Variants in SLC30A6 observed in about 807,000 individuals in gnomAD.
The protein encoded by SLC30A6 is zinc transporter 6.
A neutral mutation model predicts 63.0 loss-of-function variants in SLC30A6; 55 were observed. That is an observed-to-expected ratio of 0.87 (90% CI 0.70 to 1.09). The LOEUF is 1.09. Among genes scored for constraint, SLC30A6 ranks in the 50% least tolerant of loss-of-function variants. SLC30A6 has a pLI of 0.00. For synonymous variants in SLC30A6, 224 were observed against 186.1 expected (o/e 1.20, Z -1.66); for missense variants, 587 against 549.2 (o/e 1.07, Z -0.69).
At chr2:32,167,548 G>A (rs1680796425) in intron 1 of SLC30A6, among the ~76,000 whole-genome samples, 1 of 152,048 alleles carries the variant, frequency 6.6e-6, no homozygotes, top group African/African-American at 2.4e-5. Flanking sequence ...GTCCTTATCA[G>A]AATAACCCTT....
intron 10 of SLC30A6, chr2:32,201,753 T>C (rs212759): frequency 0.64 from 867,536 of 1,351,474 alleles, 280,563 homozygotes; most frequent in African/African-American, 0.69. Flanking sequence ...ATGGTTTTTA[T>C]GAAGATTTAA....
chr2:32,194,445 A>G (rs1158264091), intron 8 of SLC30A6, among the ~76,000 whole-genome samples: 3 of 152,152 alleles, frequency 2.0e-5, no homozygotes, highest in African/African-American at 7.2e-5. Context: ...GCCAAACTTT[A>G]TTTCTTTGGA....
chr2:32,199,713 A>G (rs1234966492), intron 10 of SLC30A6, among the ~76,000 whole-genome samples: 1 of 152,016 alleles, frequency 6.6e-6, no homozygotes, highest in African/African-American at 2.4e-5. Flanking sequence ...TAGTTTTTTG[A>G]GGAACTCCAG....
intron 13 of SLC30A6, among the ~76,000 whole-genome samples, chr2:32,217,090 G>A (rs1459944181): frequency 6.6e-6 from 1 of 151,410 alleles, no homozygotes; most frequent in Non-Finnish European, 1.5e-5. Context: ...TAGAAACAGG[G>A]TTTCACCATG....
At chr2:32,188,642 C>T (rs1455460170) in intron 5 of SLC30A6, among the ~76,000 whole-genome samples, 1 of 151,834 alleles carries the variant, frequency 6.6e-6, no homozygotes, top group Non-Finnish European at 1.5e-5. Context: ...TGCAGTGAGC[C>T]AAGATTGTGC....
chr2:32,197,566 A>T (rs1348062303), intron 9 of SLC30A6, 141 bp from the exon 10 acceptor site: 1 of 1,337,812 alleles, frequency 7.5e-7, no homozygotes, highest in Non-Finnish European at 1.0e-6. Context: ...TATAAATGAA[A>T]GGGCTTTGTT....
chr2:32,166,504 G>A (rs1680671463), intron 1 of SLC30A6, among the ~76,000 whole-genome samples: 1 of 152,224 alleles, frequency 6.6e-6, no homozygotes, highest in Non-Finnish European at 1.5e-5. Context: ...CCCAGTAGAC[G>A]TTATGGTTGT....
At chr2:32,190,944 C>T (rs1043776354) in intron 5 of SLC30A6, among the ~76,000 whole-genome samples, 4 of 152,116 alleles carry the variant, frequency 2.6e-5, no homozygotes, top group Non-Finnish European at 4.4e-5. Flanking sequence ...TTATGTGCCA[C>T]ATTTTTCACA....
chr2:32,182,171 A>G (rs1682385667), intron 4 of SLC30A6, among the ~76,000 whole-genome samples: 1 of 151,852 alleles, frequency 6.6e-6, no homozygotes, highest in South Asian at 2.1e-4. Context: ...TTGGGCTCTC[A>G]AGTGATCCAC....
At chr2:32,190,701 T>A (rs1414860266) in intron 5 of SLC30A6, among the ~76,000 whole-genome samples, 1 of 152,142 alleles carries the variant, frequency 6.6e-6, no homozygotes, top group East Asian at 1.9e-4. Context: ...TTCGGCTCAC[T>A]TCAACCTCCA....
Position 32,224,372 on chromosome 2 carries a change from C to T in SLC30A6, c.*3659C>T, listed in dbSNP as rs891089542. On this transcript the variant is annotated 3_prime_UTR_variant, in exon 14 of 14. Transcript: ENST00000282587. ...AATCATCAAATTAAACTTCTTTCCA[C>T]GTCCTTATCTTCTTTGGCATCCTTT... 2.3e-5 allele frequency: 18 copies of T among 792,262 alleles called. No individual in the cohort carries two copies. In the South Asian group the frequency reaches 2.3e-4, roughly 10 times the overall value. 49.1% of individuals were successfully genotyped at this position (792,262 alleles called of 1,614,324 possible).
chr2:32,192,975 A>G (rs1032882337), intron 7 of SLC30A6, 22 bp downstream of exon 7: 52 of 1,405,016 alleles, frequency 3.7e-5, no homozygotes, highest in Non-Finnish European at 4.9e-5. Context: ...TTTTCAATAT[A>G]TAATTTACTA....
At chr2:32,196,149 C>G (rs1268998564) in intron 8 of SLC30A6, among the ~76,000 whole-genome samples, 1 of 152,060 alleles carries the variant, frequency 6.6e-6, no homozygotes, top group Non-Finnish European at 1.5e-5. Context: ...CCTGTCTCTA[C>G]TAAAAAATTA....
At chr2:32,194,161 G>C (rs1683578576) in intron 8 of SLC30A6, among the ~76,000 whole-genome samples, 178 bp downstream of exon 8, 1 of 152,166 alleles carries the variant, frequency 6.6e-6, no homozygotes, top group Non-Finnish European at 1.5e-5. Context: ...AATCTCATTA[G>C]TTCAAGCTTT....
chr2:32,172,096 A>G (rs553580307), intron 2 of SLC30A6, among the ~76,000 whole-genome samples: 5 of 152,320 alleles, frequency 3.3e-5, no homozygotes, highest in East Asian at 1.9e-4. Context: ...TAAACCTTCT[A>G]GTTACTGTGT....
chr2:32,205,331 G>C (rs1455238569), intron 11 of SLC30A6, among the ~76,000 whole-genome samples: 1 of 152,188 alleles, frequency 6.6e-6, no homozygotes, highest in Non-Finnish European at 1.5e-5. Context: ...TGAGGCAGGA[G>C]AATTGCCTGA....
At chr2:32,192,057 T>G (rs573458443) in intron 5 of SLC30A6, among the ~76,000 whole-genome samples, 1 of 151,886 alleles carries the variant, frequency 6.6e-6, no homozygotes, top group African/African-American at 2.4e-5. Context: ...TTTTTAATCA[T>G]TTTAAAGTTT....
rs375574616 is a variant in SLC30A6 at position 32,220,196 on chromosome 2, G to A, written c.886-17G>A. On this transcript the variant is annotated splice_polypyrimidine_tract_variant and intron_variant, in intron 13 of 13. Coordinates refer to ENST00000282587, the MANE Select transcript of SLC30A6 (RefSeq NM_017964.5). ...TAATTCTAAGCAATCTCTTTGTTAT[G>A]ATTTTGCCCCTTTTAGGCTGGATCA... is the stretch of plus-strand genomic sequence containing the variant. 5 of 1,594,294 alleles carry A rather than the reference G, an allele frequency of 3.1e-6. No individual in the cohort carries two copies. The highest frequency in any genetic ancestry group is 4.3e-6 in the Non-Finnish European group (5 of 1,167,138).
At chr2:32,205,659 C>CTTTTTTTTTTTTTTTTTTTTTTTTTT (rs1478767845) in intron 11 of SLC30A6, among the ~76,000 whole-genome samples, 2 of 97,702 alleles carry the variant, frequency 2.0e-5, no homozygotes, top group African/African-American at 3.9e-5. Context: ...AAGAATGTTA[C>CTTTTTTTTTTTTTTTTTTTTTTTTTT]TTCTTTTTTT....
Sources: allele counts gnomAD v4.1 joint callset (sites outside exome capture counted in the v4.1 genomes callset), GRCh38; gene constraint gnomAD v4.1.1; transcripts MANE v1.5; gene names NCBI Gene and HGNC (gene_info 2026-07-23, HGNC 2026-07-21).